The following RRM1 variants were observed in gnomAD, a reference collection of about 807,000 sequenced individuals.
The protein encoded by RRM1 is ribonucleotide reductase catalytic subunit M1.
In RRM1, 19 loss-of-function variants were observed where a neutral mutation model predicts 101.5. The observed-to-expected ratio is 0.19, with a 90% CI of 0.13 to 0.27. The LOEUF (loss-of-function observed/expected upper bound fraction) is 0.27, where lower values mean the gene tolerates loss of function less well. Among genes scored for constraint, RRM1 ranks in the 10% least tolerant of loss-of-function variants. The pLI is 1.00. For synonymous variants in RRM1, 298 were observed against 323.4 expected (o/e 0.92, Z 0.84); for missense variants, 500 against 962.9 (o/e 0.52, Z 6.36).
chr11:4,119,483 T>C (rs2094578515), intron 8 of RRM1, among the ~76,000 whole-genome samples: 2 of 152,346 alleles, frequency 1.3e-5, no homozygotes, highest in Non-Finnish European at 2.9e-5. Context: ...GAAAAAGGCA[T>C]TGTAGTAGTG....
chr11:4,120,755 C>G (rs1237717334), intron 9 of RRM1, among the ~76,000 whole-genome samples: 2 of 152,188 alleles, frequency 1.3e-5, no homozygotes, highest in Non-Finnish European at 2.9e-5. Context: ...CCAGTAATCC[C>G]AGCACTTTGG....
intron 14 of RRM1, 86 bp from the exon 15 acceptor site, chr11:4,128,988 T>G (rs2133317604): frequency 1.4e-6 from 1 of 699,006 alleles, no homozygotes; most frequent in Non-Finnish European, 2.4e-6. Flanking sequence ...TGTGGGGACA[T>G]GGCAGCTAGT....
chr11:4,132,557 T>G lies in RRM1; in HGVS notation c.1905+136T>G. ...TGATAAAGACAGTCATCTTCATCTC[T>G]AATATTATTATTTGTTATTAATATT... On this transcript the variant is annotated intron_variant, in intron 16 of 18. Coordinates refer to ENST00000300738, the MANE Select transcript of RRM1 (RefSeq NM_001033.5). This position sits in a 1 kb window ranked among gnomAD's most constrained non-coding sequence, Gnocchi z 4.1. 1.3e-6 allele frequency: 1 copy of G among 747,344 alleles called. No individual in the cohort carries two copies. Among genetic ancestry groups the G allele is most frequent in the Non-Finnish European group, 2.2e-6 (1 of 459,374 alleles). The allele number at this position is 747,344 out of a possible 1,614,324, so 46.3% of individuals were successfully genotyped here. A position where few individuals can be genotyped will look rare whatever the true frequency, so the allele number is the denominator to read the frequency against.
intron 2 of RRM1, chr11:4,105,739 T>A: frequency 2.6e-6 from 1 of 389,060 alleles, no homozygotes; most frequent in Non-Finnish European, 4.8e-6. Context: ...CTGTGGAGAT[T>A]GGGGGCGGGG....
intron 4 of RRM1, among the ~76,000 whole-genome samples, chr11:4,109,256 TG>T (rs2133294475): frequency 6.6e-6 from 1 of 151,812 alleles, no homozygotes; most frequent in South Asian, 2.1e-4. Context: ...CCAATACTTT[TG>T]GATTAATAGC....
chr11:4,128,161 C>CTTTTT (rs146980476), intron 14 of RRM1, among the ~76,000 whole-genome samples: 1 of 133,048 alleles, frequency 7.5e-6, no homozygotes, highest in Non-Finnish European at 1.6e-5. Context: ...CCCTGTCCCG[C>CTTTTT]TTTTTTTTTT....
intron 15 of RRM1, among the ~76,000 whole-genome samples, chr11:4,130,086 A>ATATATTTTTTTT (rs1202870487): frequency 2.1e-4 from 21 of 99,444 alleles, no homozygotes; most frequent in African/African-American, 1.0e-3. Context: ...ATATATATAT[A>ATATATTTTTTTT]TTTTTTTTTT....
At chr11:4,118,519 C>A (rs1345661391) in intron 8 of RRM1, 58 bp downstream of exon 8, 4 of 1,595,716 alleles carry the variant, frequency 2.5e-6, no homozygotes, top group Non-Finnish European at 2.6e-6. Flanking sequence ...CAAACAGATT[C>A]ATGGTTGAGA....
rs757746611 is a variant in RRM1, at chr11:4,111,887, C to A, written c.488-13C>A. On this transcript the variant is annotated splice_polypyrimidine_tract_variant and intron_variant, in intron 6 of 18. Transcript: ENST00000300738. ...GACGTCTCATCATGTGAAAACTCCTCTTTTGTCTATAGTGGCTGAAAGACC... is the reference window on the plus strand; with the variant it reads ...GACGTCTCATCATGTGAAAACTCCTATTTTGTCTATAGTGGCTGAAAGACC... 2.9e-5 allele frequency: 47 copies of A among 1,607,268 alleles called. No individual in the cohort carries two copies. Among genetic ancestry groups the A allele is most frequent in the Non-Finnish European group, 3.7e-5 (44 of 1,176,754 alleles).
In RRM1 at chr11:4,127,236, G is replaced by C. The variant is rs746894163; in HGVS notation, c.1672G>C (p.Gly558Arg). Residue 558 changes from glycine to arginine, a missense_variant, in exon 14 of 19, where the codon GGC becomes CGC. Transcript: ENST00000300738. Reference sequence around the variant, plus strand: ...GCAGGGCCCATACGAAACCTATGAGGGCTCTCCAGTTAGCAAAGGAGTAAG... The same window carrying C: ...GCAGGGCCCATACGAAACCTATGAGCGCTCTCCAGTTAGCAAAGGAGTAAG... ...KEQGPYETYE[G>R]SPVSKGILQY... 2.5e-6 allele frequency: 4 copies of C among 1,594,944 alleles called. No individual in the cohort carries two copies. The Admixed American group carries it at 7.3e-5, about 29-fold the overall frequency.
intron 9 of RRM1, among the ~76,000 whole-genome samples, chr11:4,120,148 G>C (rs2094579433): frequency 6.6e-6 from 1 of 152,050 alleles, no homozygotes; most frequent in African/African-American, 2.4e-5. Flanking sequence ...CATTGATAAA[G>C]AGGTAGAACA....
chr11:4,120,235 CTT>C (rs1177757098), intron 9 of RRM1, among the ~76,000 whole-genome samples: 1 of 152,186 alleles, frequency 6.6e-6, no homozygotes, highest in East Asian at 1.9e-4. Flanking sequence ...CCCACACATA[CTT>C]TATCCCTGGC....
rs115090300 is a variant in RRM1, at chr11:4,124,759, C to T, written c.1320+1375C>T. 9.7e-4 allele frequency among the ~76,000 whole-genome samples: 147 copies of T among 152,110 alleles called. 1 individual carries two copies. The highest frequency in any genetic ancestry group is 3.3e-3 in the African/African-American group (139 of 41,496). ...CAAGCTGGGCTGTGGCTCACTGCAA[C>T]CTCAACAGAGTTCTTTCTTTTTGCA... is the stretch of plus-strand genomic sequence containing the variant. On this transcript the variant is annotated intron_variant, in intron 12 of 18. Transcript: ENST00000300738.
chr11:4,109,820 C>G (rs1444541283), intron 5 of RRM1, 117 bp downstream of exon 5: 4 of 731,478 alleles, frequency 5.5e-6, no homozygotes, highest in East Asian at 2.8e-5. Flanking sequence ...TGAGATGGAC[C>G]TGGGGAATTA....
chr11:4,132,317 C>T lies in RRM1; in HGVS notation c.1801C>T (p.Pro601Ser). The change falls in exon 16 of 19, where the codon CCG (proline) becomes TCG (serine). Residue 601 changes from proline to serine, a missense_variant. Physicochemically the swap from Pro to Ser is moderately conservative, Grantham distance 74. This residue lies in a region of RRM1 where 2 missense variants were observed against 18.1 expected (regional missense o/e 0.11). Transcript: ENST00000300738. This position sits in a 1 kb window ranked among gnomAD's most constrained non-coding sequence, Gnocchi z 4.1. ...YGIRNSLLIAPMPTASTAQIL... is the reference protein window; with the variant it reads ...YGIRNSLLIASMPTASTAQIL... ...TATAAGAAACAGTTTACTTATTGCC[C>T]CGATGCCTACAGCTTCCACTGCTCA... 1.2e-6 allele frequency: 2 copies of T among 1,614,042 alleles called. No individual in the cohort carries two copies. Among genetic ancestry groups the T allele is most frequent in the Non-Finnish European group, 1.7e-6 (2 of 1,179,976 alleles).
intron 18 of RRM1, among the ~76,000 whole-genome samples, chr11:4,135,640 T>C (rs566259478): frequency 1.3e-5 from 2 of 152,190 alleles, no homozygotes; most frequent in East Asian, 3.9e-4. Flanking sequence ...GGATCTCTGC[T>C]CCCAGCCATT....
intron 2 of RRM1, 55 bp from the exon 3 acceptor site, chr11:4,105,991 A>G: frequency 6.8e-7 from 1 of 1,462,994 alleles, no homozygotes; most frequent in Non-Finnish European, 9.5e-7. Flanking sequence ...TACTCTTTTA[A>G]GGAAGCTATT....
intron 17 of RRM1, among the ~76,000 whole-genome samples, chr11:4,134,058 C>T (rs982901304): frequency 1.4e-5 from 2 of 141,644 alleles, no homozygotes; most frequent in African/African-American, 5.3e-5. Flanking sequence ...TCATGGCTCA[C>T]TGCAACCTCT....
chr11:4,119,513 T>C (rs750964530), intron 8 of RRM1, among the ~76,000 whole-genome samples: 1 of 152,238 alleles, frequency 6.6e-6, no homozygotes, highest in African/African-American at 2.4e-5. Flanking sequence ...TTTTTTACTC[T>C]ACCCAAAGTG....
Sources: allele counts gnomAD v4.1 joint callset (sites outside exome capture counted in the v4.1 genomes callset), GRCh38; gene constraint gnomAD v4.1.1; regional missense constraint gnomAD v4.1.1; non-coding constraint Gnocchi (gnomAD v3.1); transcripts MANE v1.5; gene names NCBI Gene and HGNC (gene_info 2026-07-23, HGNC 2026-07-21).